Variants in NR3C2 observed in about 807,000 individuals in gnomAD.
NR3C2 encodes the protein mineralocorticoid receptor.
NR3C2 carries 15 observed loss-of-function variants against 86.4 expected under a neutral mutation model. That is an observed-to-expected ratio of 0.17 (90% CI 0.12 to 0.27). The LOEUF (loss-of-function observed/expected upper bound fraction) is 0.27, where lower values mean the gene tolerates loss of function less well. Ranked by LOEUF, NR3C2 falls within the 10% of genes least tolerant of loss-of-function variation. The pLI, the probability that NR3C2 is intolerant of heterozygous loss-of-function variation, is 1.00. For missense variants in NR3C2, 960 were observed against 1,195.6 expected (o/e 0.80, Z 2.91); for synonymous variants, 458 against 450.5 (o/e 1.02, Z -0.21).
intron 2 of NR3C2, among the ~76,000 whole-genome samples, chr4:148,265,814 T>A (rs186807061): frequency 2.2e-4 from 34 of 152,202 alleles, no homozygotes; most frequent in African/African-American, 7.7e-4. Flanking sequence ...CATGCTGGTG[T>A]GTTTAAATTA....
intron 2 of NR3C2, among the ~76,000 whole-genome samples, chr4:148,268,655 A>G (rs1740517732): frequency 6.6e-6 from 1 of 152,218 alleles, no homozygotes; most frequent in Non-Finnish European, 1.5e-5. Flanking sequence ...AGAAAAAATT[A>G]TGCCAAGTGC....
intron 8 of NR3C2, among the ~76,000 whole-genome samples, chr4:148,108,060 A>C (rs1731882916): frequency 6.6e-6 from 1 of 152,162 alleles, no homozygotes; most frequent in Non-Finnish European, 1.5e-5. Flanking sequence ...TGCTGCTTGT[A>C]GCAGTATGTC....
At chr4:148,400,516 C>T (rs1447342157) in intron 2 of NR3C2, among the ~76,000 whole-genome samples, 1 of 152,038 alleles carries the variant, frequency 6.6e-6, no homozygotes, top group Non-Finnish European at 1.5e-5. Flanking sequence ...CATGGTGGCT[C>T]ACACCTATAA....
At chr4:148,199,806 AG>A (rs1178109770) in intron 3 of NR3C2, among the ~76,000 whole-genome samples, 1 of 152,184 alleles carries the variant, frequency 6.6e-6, no homozygotes, top group African/African-American at 2.4e-5. Context: ...ACGGGTTAGG[AG>A]TAGGTTGGGG....
chr4:148,222,077 G>A (rs1254726247), intron 3 of NR3C2, among the ~76,000 whole-genome samples: 2 of 151,912 alleles, frequency 1.3e-5, no homozygotes, highest in Non-Finnish European at 2.9e-5. Flanking sequence ...CAATAATTAA[G>A]TGTTAATTAT....
chr4:148,317,355 C>CA (rs59556447), intron 2 of NR3C2, among the ~76,000 whole-genome samples: 2,148 of 108,716 alleles, frequency 0.02, 26 homozygotes, highest in African/African-American at 0.033. Context: ...AACTCTGTCT[C>CA]AAAAAAAAAA....
intron 2 of NR3C2, among the ~76,000 whole-genome samples, chr4:148,387,559 CAT>C (rs753953677): frequency 4.8e-4 from 73 of 152,276 alleles, no homozygotes; most frequent in Non-Finnish European, 9.0e-4. Context: ...GTTTTGGTCA[CAT>C]GTTTAGACCA....
chr4:148,434,808 G>A (rs999959745), intron 2 of NR3C2, among the ~76,000 whole-genome samples: 4 of 152,150 alleles, frequency 2.6e-5, no homozygotes, highest in Non-Finnish European at 4.4e-5. Context: ...ATTTACAATA[G>A]TAACTGGCAG....
intron 3 of NR3C2, among the ~76,000 whole-genome samples, chr4:148,195,758 G>A (rs1048987567): frequency 2.4e-4 from 37 of 152,226 alleles, no homozygotes; most frequent in Non-Finnish European, 4.3e-4. Context: ...AGAGAGGAAG[G>A]TGAGGGCTGA....
chr4:148,147,088 T>C (rs1418290433), intron 6 of NR3C2, among the ~76,000 whole-genome samples: 2 of 152,236 alleles, frequency 1.3e-5, no homozygotes, highest in Non-Finnish European at 2.9e-5. Context: ...TAATACATAT[T>C]TGAAAAGTTT....
At chr4:148,228,908 T>G (rs577521780) in intron 3 of NR3C2, among the ~76,000 whole-genome samples, 2 of 151,914 alleles carry the variant, frequency 1.3e-5, no homozygotes, top group Non-Finnish European at 2.9e-5. Flanking sequence ...AGGCAAACTA[T>G]CCGCAGGAAA....
chr4:148,204,870 ATATACCTC>A (rs1560976418), intron 3 of NR3C2, among the ~76,000 whole-genome samples: 1 of 152,214 alleles, frequency 6.6e-6, no homozygotes, highest in African/African-American at 2.4e-5. Context: ...CCTGATCTAA[ATATACCTC>A]TAAACTCCAG....
intron 2 of NR3C2, among the ~76,000 whole-genome samples, chr4:148,431,918 C>T (rs1303841410): frequency 2.0e-5 from 3 of 151,946 alleles, no homozygotes; most frequent in South Asian, 2.1e-4. Context: ...TATGAAGGAT[C>T]CCAAAGAGCA....
chr4:148,233,268 G>A (rs1030358076), intron 3 of NR3C2, among the ~76,000 whole-genome samples: 1 of 151,672 alleles, frequency 6.6e-6, no homozygotes, highest in Admixed American at 6.6e-5. Flanking sequence ...TCCTCACTAA[G>A]TTTAATCCTT....
intron 2 of NR3C2, among the ~76,000 whole-genome samples, chr4:148,413,011 T>C (rs1748787262): frequency 6.6e-6 from 1 of 152,224 alleles, no homozygotes; most frequent in Non-Finnish European, 1.5e-5. Flanking sequence ...CAATCTGCAA[T>C]GAATAACTGA....
intron 3 of NR3C2, among the ~76,000 whole-genome samples, chr4:148,212,374 AG>A (rs1329436506): frequency 3.9e-5 from 6 of 152,234 alleles, no homozygotes; most frequent in African/African-American, 1.2e-4. Flanking sequence ...TGGCTCAAGT[AG>A]TTACACCCTT....
chr4:148,119,584 G>C (rs569033833), intron 7 of NR3C2, among the ~76,000 whole-genome samples: 1 of 152,084 alleles, frequency 6.6e-6, no homozygotes, highest in Non-Finnish European at 1.5e-5. Context: ...ACCGGAGTTC[G>C]AGACCAGCCT....
rs1748148783 is a variant in NR3C2 at position 148,401,302 on chromosome 4, T to G, written c.1757+33802A>C. ...GCTGCTAGGAGAATATCCATTCTCC[T>G]GTCTCCCTACTAGCAGAAGGTCTGT... is the stretch of plus-strand genomic sequence containing the variant. On this transcript the variant is annotated intron_variant, in intron 2 of 8. Coordinates refer to ENST00000358102, the MANE Select transcript of NR3C2 (RefSeq NM_000901.5). Among the ~76,000 whole-genome samples, 3 of 152,140 alleles carry G rather than the reference T, an allele frequency of 2.0e-5. No homozygotes were observed. In the South Asian group the frequency reaches 6.2e-4, roughly 32 times the overall value.
rs528727392 is a variant in NR3C2 at position 148,169,164 on chromosome 4, C to T, written c.2015-14263G>A. ...AGATCTACGATGACCATATTGCCTT[C>T]ACTGTACATGGCCTAAACTCATCTC... is the stretch of plus-strand genomic sequence containing the variant. On this transcript the variant is annotated intron_variant, in intron 4 of 8. Transcript: ENST00000358102. Among the ~76,000 whole-genome samples, 51 of 152,170 alleles carry T rather than the reference C, an allele frequency of 3.4e-4. 1 individual carries two copies. Among genetic ancestry groups the T allele is most frequent in the Non-Finnish European group, 5.7e-4 (39 of 68,030 alleles).
Sources: allele counts gnomAD v4.1 joint callset (sites outside exome capture counted in the v4.1 genomes callset), GRCh38; gene constraint gnomAD v4.1.1; transcripts MANE v1.5; gene names NCBI Gene and HGNC (gene_info 2026-07-23, HGNC 2026-07-21).